The following TRPM3 variants were observed in gnomAD, a reference collection of about 807,000 sequenced individuals.
TRPM3 encodes long transient receptor potential channel 3.
In TRPM3, 77 loss-of-function variants were observed where a neutral mutation model predicts 181.2. That is an observed-to-expected ratio of 0.42 (90% CI 0.35 to 0.51). The LOEUF is 0.51. TRPM3 is among the 20% of genes least tolerant of loss of function. The pLI is 0.01. For synonymous variants in TRPM3, 745 were observed against 796.4 expected (o/e 0.94, Z 1.09); for missense variants, 1,759 against 2,196.7 (o/e 0.80, Z 3.98).
intron 1 of TRPM3, among the ~76,000 whole-genome samples, chr9:70,888,050 C>A (rs181626370): frequency 6.6e-6 from 1 of 152,170 alleles, no homozygotes; most frequent in African/African-American, 2.4e-5. Context: ...CTATTTCCCA[C>A]GGATATCTTC....
chr9:70,586,399 CCT>C lies in TRPM3; in HGVS notation c.3223+4630_3223+4631del, dbSNP rs1202152123. Among the ~76,000 whole-genome samples, 94 of 152,220 alleles carry C rather than the reference CCT, an allele frequency of 6.2e-4. 1 individual carries two copies. Among genetic ancestry groups the C allele is most frequent in the Non-Finnish European group, 7.3e-5 (5 of 68,036 alleles). Reference sequence around the variant, plus strand: ...ACAGCGTCCGGAATCATCACAAAGTCCTGTCTGCAGATAGCTCTGTTATTTGT... The same window carrying C: ...ACAGCGTCCGGAATCATCACAAAGTCGTCTGCAGATAGCTCTGTTATTTGT... On this transcript the variant is annotated intron_variant, in intron 22 of 25. Coordinates refer to ENST00000677713, the MANE Select transcript of TRPM3 (RefSeq NM_001366145.2).
chr9:70,739,668 T>C (rs1157006969), intron 8 of TRPM3, among the ~76,000 whole-genome samples: 4 of 152,088 alleles, frequency 2.6e-5, no homozygotes, highest in Non-Finnish European at 4.4e-5. Context: ...CTCAATTCAC[T>C]GCAACCATCT....
At chr9:71,028,214 T>C (rs2056826633) in intron 1 of TRPM3, among the ~76,000 whole-genome samples, 1 of 152,060 alleles carries the variant, frequency 6.6e-6, no homozygotes, top group African/African-American at 2.4e-5. Flanking sequence ...TCTACCAAAG[T>C]AAGCTTTATA....
chr9:70,890,405 T>C (rs1029846810), intron 1 of TRPM3, among the ~76,000 whole-genome samples: 2 of 151,944 alleles, frequency 1.3e-5, no homozygotes, highest in African/African-American at 4.8e-5. Context: ...AAGAGAAAAT[T>C]ATCAAAAAAA....
chr9:71,077,145 A>G (rs1341984578), intron 1 of TRPM3, among the ~76,000 whole-genome samples: 2 of 152,188 alleles, frequency 1.3e-5, no homozygotes, highest in Non-Finnish European at 2.9e-5. Flanking sequence ...TCATACACCT[A>G]AACAGGAAAA....
intron 1 of TRPM3, among the ~76,000 whole-genome samples, chr9:70,960,209 G>A (rs369646473): frequency 1.3e-5 from 2 of 151,262 alleles, no homozygotes; most frequent in East Asian, 3.9e-4. Context: ...CTTACTGTAC[G>A]TGAACACTCA....
At chr9:71,260,287 T>C (rs1033018074) in intron 1 of TRPM3, among the ~76,000 whole-genome samples, 2 of 152,216 alleles carry the variant, frequency 1.3e-5, no homozygotes, top group Non-Finnish European at 2.9e-5. Flanking sequence ...ACTGTAGTCT[T>C]GTAGTATACT....
At chr9:71,320,964 C>T (rs1205029795) in intron 1 of TRPM3, among the ~76,000 whole-genome samples, 1 of 152,204 alleles carries the variant, frequency 6.6e-6, no homozygotes, top group Non-Finnish European at 1.5e-5. Context: ...CCTCCCACAT[C>T]GAAGGCATCA....
intron 1 of TRPM3, among the ~76,000 whole-genome samples, chr9:71,035,908 T>C (rs1415283500): frequency 1.3e-5 from 2 of 151,276 alleles, no homozygotes; most frequent in South Asian, 4.2e-4. Context: ...GTAGAGGATG[T>C]TATATAAAGA....
chr9:71,320,704 A>G (rs533240532), intron 1 of TRPM3, among the ~76,000 whole-genome samples: 2 of 152,184 alleles, frequency 1.3e-5, no homozygotes, highest in Admixed American at 1.3e-4. Flanking sequence ...TGCCACTTAT[A>G]CATGGTGACT....
At chr9:71,145,718 A>G (rs1196133863) in intron 1 of TRPM3, among the ~76,000 whole-genome samples, 1 of 152,174 alleles carries the variant, frequency 6.6e-6, no homozygotes, top group Admixed American at 6.6e-5. Context: ...ATTGAAGGAA[A>G]CATGTCTGAA....
At chr9:70,851,464 C>G (rs758770767) in intron 3 of TRPM3, among the ~76,000 whole-genome samples, 1 of 152,112 alleles carries the variant, frequency 6.6e-6, no homozygotes, top group Non-Finnish European at 1.5e-5. Context: ...ATAAGCCTCC[C>G]TTGATAGATA....
At chr9:71,336,747 A>G (rs188308960) in intron 1 of TRPM3, among the ~76,000 whole-genome samples, 17 of 152,346 alleles carry the variant, frequency 1.1e-4, no homozygotes, top group Admixed American at 3.3e-4. Flanking sequence ...ACTGGTACCA[A>G]AATAGAGATA....
At chr9:71,419,022 A>G (rs190857257) in intron 1 of TRPM3, among the ~76,000 whole-genome samples, 5 of 151,104 alleles carry the variant, frequency 3.3e-5, no homozygotes, top group East Asian at 3.9e-4. Context: ...ATGAACTTCA[A>G]GAGGAACTGT....
chr9:71,184,738 C>G (rs997330296), intron 1 of TRPM3, among the ~76,000 whole-genome samples: 1 of 152,072 alleles, frequency 6.6e-6, no homozygotes, highest in Non-Finnish European at 1.5e-5. Context: ...TCTCCTTATG[C>G]TCACTTCCAT....
At chr9:70,821,151 T>C (rs1288441669) in intron 6 of TRPM3, among the ~76,000 whole-genome samples, 2 of 152,244 alleles carry the variant, frequency 1.3e-5, no homozygotes, top group African/African-American at 2.4e-5. Context: ...CTTAGACTAA[T>C]ATTTGCCATG....
At chr9:70,674,437 G>A (rs1225753118) in intron 9 of TRPM3, among the ~76,000 whole-genome samples, 4 of 152,194 alleles carry the variant, frequency 2.6e-5, no homozygotes, top group African/African-American at 9.6e-5. Context: ...AAAATGAGAT[G>A]AGTTAGGCAG....
chr9:70,889,982 G>C (rs1425920486), intron 1 of TRPM3, among the ~76,000 whole-genome samples: 1 of 147,028 alleles, frequency 6.8e-6, no homozygotes, highest in African/African-American at 2.5e-5. Context: ...AATATTTATA[G>C]CATATTATAT....
chr9:71,435,875 G>C (rs903469350), intron 1 of TRPM3, among the ~76,000 whole-genome samples: 1 of 152,156 alleles, frequency 6.6e-6, no homozygotes, highest in African/African-American at 2.4e-5. Context: ...AGAAGAGAGA[G>C]GCAGAAGAGG....
Sources: gnomAD v4.1 joint callset for allele counts (sites outside exome capture counted in the v4.1 genomes callset) on GRCh38, gnomAD v4.1.1 for gene constraint, MANE v1.5 for transcripts, NCBI Gene and HGNC (gene_info 2026-07-23, HGNC 2026-07-21) for gene names.